The following GALNT16 variants were observed in gnomAD, a reference collection of about 807,000 sequenced individuals.
GALNT16 encodes polypeptide N-acetylgalactosaminyltransferase 16.
Under a neutral mutation model 76.1 loss-of-function variants are expected in GALNT16, and 40 were observed. The ratio of observed to expected loss-of-function variants is 0.53; its 90% CI spans 0.41 to 0.68. The LOEUF (loss-of-function observed/expected upper bound fraction) is 0.68. GALNT16 is among the 30% of genes least tolerant of loss of function. The probability of loss-of-function intolerance (pLI) is 0.00; values close to 1 mark genes in which losing one functional copy is unlikely to be tolerated. For missense variants in GALNT16, 621 were observed against 731.9 expected (o/e 0.85, Z 1.75); for synonymous variants, 276 against 285.2 (o/e 0.97, Z 0.32).
intron 3 of GALNT16, 147 bp downstream of exon 3, chr14:69,324,937 C>G: frequency 3.5e-6 from 2 of 579,680 alleles, no homozygotes; most frequent in East Asian, 2.9e-5. Flanking sequence ...TGAATCAGGG[C>G]CAGGAAGACC....
At chr14:69,351,339 G>A (rs1253392900) in intron 14 of GALNT16, 1 of 152,242 alleles carries the variant, frequency 6.6e-6, no homozygotes, top group Non-Finnish European at 1.5e-5. Context: ...CCCCATCTAA[G>A]GCAGAGGGCA....
chr14:69,367,120 T>A, the GALNT16 span, among the ~76,000 whole-genome samples: 1 of 152,110 alleles, frequency 6.6e-6, no homozygotes, highest in Non-Finnish European at 1.5e-5. Flanking sequence ...AGAAGTGTGG[T>A]CCGTACAGGG....
chr14:69,293,286 C>CT (rs1431375533), intron 1 of GALNT16, among the ~76,000 whole-genome samples: 3 of 152,208 alleles, frequency 2.0e-5, no homozygotes, highest in African/African-American at 7.2e-5. Flanking sequence ...TGGCTTCTTG[C>CT]TGCACCCCTT....
intron 1 of GALNT16, among the ~76,000 whole-genome samples, chr14:69,310,076 C>T (rs2044994152): frequency 6.6e-6 from 1 of 152,092 alleles, no homozygotes; most frequent in Non-Finnish European, 1.5e-5. Context: ...TATCTTATGC[C>T]AATCCTCCAC....
intron 1 of GALNT16, among the ~76,000 whole-genome samples, chr14:69,296,329 G>T (rs1045050129): frequency 1.3e-5 from 2 of 152,102 alleles, no homozygotes; most frequent in African/African-American, 2.4e-5. Flanking sequence ...CAACACTGGG[G>T]ATTACAATTC....
Position 69,348,022 on chromosome 14 carries a change from G to A in GALNT16, c.1539+20G>A. On this transcript the variant is annotated intron_variant, in intron 14 of 14. Transcript: ENST00000448469. The stretch of plus-strand genomic sequence containing the variant: ...AAGCAGGTGAGTCTCCTTGCCTCTG[G>A]CCCAGAGGCCCAGCAGCCCGAGGGG... 3.1e-6 allele frequency: 5 copies of A among 1,613,376 alleles called. No individual in the cohort carries two copies. The highest frequency in any genetic ancestry group is 2.2e-5 in the East Asian group (1 of 44,868).
chr14:69,374,894 AACTC>A, the GALNT16 span, among the ~76,000 whole-genome samples: 1 of 151,968 alleles, frequency 6.6e-6, no homozygotes, highest in African/African-American at 2.4e-5. Context: ...AGGGGGACTG[AACTC>A]ACTTTTATGA....
chr14:69,385,111 A>G, the GALNT16 span, among the ~76,000 whole-genome samples: 2 of 152,156 alleles, frequency 1.3e-5, no homozygotes, highest in Non-Finnish European at 2.9e-5. Flanking sequence ...ATTAAAGCTC[A>G]TGGTCATTCA....
chr14:69,343,799 AC>A (rs1239251037), intron 12 of GALNT16, among the ~76,000 whole-genome samples: 3 of 152,042 alleles, frequency 2.0e-5, no homozygotes, highest in Non-Finnish European at 4.4e-5. Context: ...GTCTGATGAC[AC>A]CCCCAAGGAC....
At chr14:69,285,276 G>A (rs1326926528) in intron 1 of GALNT16, among the ~76,000 whole-genome samples, 1 of 152,054 alleles carries the variant, frequency 6.6e-6, no homozygotes, top group African/African-American at 2.4e-5. Context: ...TCCTGACCTC[G>A]GCCTCTCAAA....
upstream of GALNT16, chr14:69,260,136 A>AACAC: frequency 8.8e-6 from 1 of 113,994 alleles, no homozygotes; most frequent in Non-Finnish European, 1.8e-5. Flanking sequence ...TCTCCCTATC[A>AACAC]CCCCCCCGCC....
At chr14:69,303,473 G>A (rs903545480) in intron 1 of GALNT16, among the ~76,000 whole-genome samples, 3 of 152,142 alleles carry the variant, frequency 2.0e-5, no homozygotes, top group African/African-American at 7.2e-5. Flanking sequence ...GCAGTAAGCT[G>A]TACACTAGGC....
At chr14:69,334,364 A>G (rs1457780260) in intron 9 of GALNT16, among the ~76,000 whole-genome samples, 1 of 151,980 alleles carries the variant, frequency 6.6e-6, no homozygotes, top group African/African-American at 2.4e-5. Flanking sequence ...CAAACTCTGG[A>G]CTCCAGTATG....
chr14:69,377,835 A>AAT, the GALNT16 span, among the ~76,000 whole-genome samples: 2 of 125,252 alleles, frequency 1.6e-5, no homozygotes, highest in African/African-American at 6.4e-5. Flanking sequence ...AAAAAAAAAA[A>AAT]GAACATGAAC....
At chr14:69,299,297 G>C (rs1368686839) in intron 1 of GALNT16, among the ~76,000 whole-genome samples, 1 of 152,194 alleles carries the variant, frequency 6.6e-6, no homozygotes, top group Non-Finnish European at 1.5e-5. Context: ...TGTCAAGGCT[G>C]TTCTCACTTC....
At chr14:69,323,708 C>T (rs2045236598) in intron 2 of GALNT16, among the ~76,000 whole-genome samples, 1 of 152,174 alleles carries the variant, frequency 6.6e-6, no homozygotes, top group Admixed American at 6.5e-5. Context: ...TGCACAGCCT[C>T]TCAAGATTTC....
intron 1 of GALNT16, among the ~76,000 whole-genome samples, chr14:69,263,416 T>C (rs932864578): frequency 6.6e-6 from 1 of 152,222 alleles, no homozygotes; most frequent in Non-Finnish European, 1.5e-5. Flanking sequence ...GGTAACCGCT[T>C]ATTCAGAAAC....
chr14:69,347,746 A>G, intron 13 of GALNT16, 131 bp from the exon 14 acceptor site: 4 of 945,912 alleles, frequency 4.2e-6, no homozygotes, highest in Non-Finnish European at 6.5e-6. Context: ...CCATACATCT[A>G]CCCTAGCTCC....
In GALNT16 at chr14:69,353,425, C is replaced by T. The variant is rs558790284; in HGVS notation, c.*1257C>T. 13 of 152,448 alleles carry T rather than the reference C, an allele frequency of 8.5e-5. No individual in the cohort carries two copies. Among genetic ancestry groups the T allele is most frequent in the Admixed American group, 7.8e-4 (12 of 15,312 alleles). 9.4% of individuals were successfully genotyped at this position (152,448 alleles called of 1,614,324 possible). On this transcript the variant is annotated 3_prime_UTR_variant, in exon 15 of 15. Transcript: ENST00000448469. ...GAGAACTCCCAGTTCCTTTTCACAG[C>T]CGCTGAGAACACATCCACACATCTA...
Sources: allele counts gnomAD v4.1 joint callset (sites outside exome capture counted in the v4.1 genomes callset), GRCh38; gene constraint gnomAD v4.1.1; transcripts MANE v1.5; gene names NCBI Gene and HGNC (gene_info 2026-07-23, HGNC 2026-07-21).